STAB2: variants seen among roughly 807,000 people sequenced by gnomAD.
The protein encoded by STAB2 is stabilin 2, also known as stabilin-2.
Under a neutral mutation model 338.1 loss-of-function variants are expected in STAB2, and 288 were observed. The observed-to-expected ratio is 0.85, with a 90% confidence interval of 0.77 to 0.94. STAB2 has a LOEUF of 0.94. STAB2 is among the 40% of genes least tolerant of loss of function. STAB2 has a pLI of 0.00. For missense variants in STAB2, 3,141 were observed against 3,210.1 expected (o/e 0.98, Z 0.52); for synonymous variants, 1,202 against 1,193.3 (o/e 1.01, Z -0.15).
At chr12:103,711,423 G>A (rs751957404) in intron 39 of STAB2, 48 bp from the exon 40 acceptor site, 2 of 1,612,020 alleles carry the variant, frequency 1.2e-6, no homozygotes, top group African/African-American at 2.7e-5. Flanking sequence ...AAATCCTCAG[G>A]TGAGATTTAG....
chr12:103,712,783 A>G (rs2139008353), intron 41 of STAB2, among the ~76,000 whole-genome samples: 1 of 152,338 alleles, frequency 6.6e-6, no homozygotes, highest in Non-Finnish European at 1.5e-5. Flanking sequence ...TTATGTGTCC[A>G]TTAAAAAAGA....
At chr12:103,686,424 C>T (rs976038381) in intron 27 of STAB2, among the ~76,000 whole-genome samples, 1 of 152,218 alleles carries the variant, frequency 6.6e-6, no homozygotes, top group Non-Finnish European at 1.5e-5. Context: ...CCTGCTTTCA[C>T]GACGTCCCTC....
chr12:103,624,900 C>T (rs1284641139), intron 5 of STAB2, among the ~76,000 whole-genome samples: 1 of 147,686 alleles, frequency 6.8e-6, no homozygotes, highest in Non-Finnish European at 1.5e-5. Context: ...ATCGTGCCAC[C>T]ACTGCACTCC....
At chr12:103,635,962 GGAA>G (rs1377855809) in intron 6 of STAB2, among the ~76,000 whole-genome samples, 2 of 152,184 alleles carry the variant, frequency 1.3e-5, no homozygotes, top group Non-Finnish European at 2.9e-5. Flanking sequence ...CAGCCTGGAG[GGAA>G]GAAGGTTATA....
At chr12:103,766,163 C>T in intron 68 of STAB2, 123 bp from the exon 69 acceptor site, 2 of 1,316,684 alleles carry the variant, frequency 1.5e-6, no homozygotes, top group Non-Finnish European at 2.2e-6. Flanking sequence ...ACAAACACGC[C>T]CAGCACATAC....
At position 103,708,438 on chromosome 12, in the gene STAB2, T is replaced by C; in HGVS notation, c.4193-3T>C. On this transcript the variant is annotated splice_polypyrimidine_tract_variant and splice_region_variant and intron_variant, in intron 38 of 68. Transcript: ENST00000388887. Reference sequence around the variant, plus strand: ...ACGATTTGCAGGTGATTTTCCCACTTAGCATGTTCTTGTGTCCATGGGAGA... The same window carrying C: ...ACGATTTGCAGGTGATTTTCCCACTCAGCATGTTCTTGTGTCCATGGGAGA... The C allele has an allele frequency of 3.7e-6, 6 of 1,613,950 alleles. No individual in the cohort carries two copies. The Middle Eastern group carries it at 6.6e-4, about 178-fold the overall frequency.
At chr12:103,607,021 A>G (rs1957039647) in intron 3 of STAB2, among the ~76,000 whole-genome samples, 1 of 152,122 alleles carries the variant, frequency 6.6e-6, no homozygotes, top group Non-Finnish European at 1.5e-5. Context: ...AACGAAAAAA[A>G]AGATCTGTTG....
intron 63 of STAB2, 68 bp from the exon 64 acceptor site, chr12:103,758,102 C>G (rs1884268796): frequency 1.2e-6 from 2 of 1,602,992 alleles, no homozygotes; most frequent in East Asian, 2.2e-5. Flanking sequence ...GCCCTGGGAC[C>G]TTCTTCAGCC....
chr12:103,735,699 A>ATT, intron 52 of STAB2, 119 bp downstream of exon 52: 5 of 789,580 alleles, frequency 6.3e-6, no homozygotes, highest in East Asian at 2.9e-5. Flanking sequence ...TAGCGGGCTC[A>ATT]TTTTTTTTCT....
At chr12:103,627,305 G>A (rs1169187722) in intron 5 of STAB2, among the ~76,000 whole-genome samples, 1 of 152,184 alleles carries the variant, frequency 6.6e-6, no homozygotes, top group African/African-American at 2.4e-5. Context: ...GTCCCAAGGA[G>A]CTGGAAATGT....
Position 103,666,281 on chromosome 12 carries a change from C to T in STAB2, c.2023-10C>T, listed in dbSNP as rs1157213624. The T allele has an allele frequency of 6.2e-7, 1 of 1,613,894 alleles. No homozygotes were observed. Among genetic ancestry groups the T allele is most frequent in the Non-Finnish European group, 8.5e-7 (1 of 1,179,980 alleles). ...GGACACCTGCACTGACCTCCTGTCT[C>T]TCCCTCCAGGGCACTTGTGTGAGCT... On this transcript the variant is annotated splice_polypyrimidine_tract_variant and intron_variant, in intron 18 of 68. Coordinates refer to ENST00000388887, the MANE Select transcript of STAB2 (RefSeq NM_017564.10).
Position 103,650,454 on chromosome 12 carries a change from T to G in STAB2, c.1175-42T>G, listed in dbSNP as rs374387342. On this transcript the variant is annotated intron_variant, in intron 10 of 68. Coordinates refer to ENST00000388887, the MANE Select transcript of STAB2 (RefSeq NM_017564.10). ...ATTTTACTCCTCCTGTACCACTGAC[T>G]CATTTGGCGTTTTCTTTCTTTGTGT... The G allele has an allele frequency of 5.7e-6, 9 of 1,576,792 alleles. No individual in the cohort carries two copies. The African/African-American group carries it at 1.2e-4, about 21-fold the overall frequency.
At chr12:103,694,040 T>C (rs1365179063) in intron 31 of STAB2, among the ~76,000 whole-genome samples, 3 of 152,004 alleles carry the variant, frequency 2.0e-5, no homozygotes, top group African/African-American at 7.3e-5. Flanking sequence ...GTTATCTGTG[T>C]AGCCTCTGGG....
At position 103,762,360 on chromosome 12, in the gene STAB2, C is replaced by T. The variant is rs1344590614; in HGVS notation, c.7446C>T (p.Tyr2482=). Residue 2482 remains tyrosine (Y), a synonymous_variant, in exon 67 of 69, where the codon TAC becomes TAT. Coordinates refer to ENST00000388887, the MANE Select transcript of STAB2 (RefSeq NM_017564.10). ...TGAVALAAYS[Y]FRINRRTIGF... ...CTGTTGCCTTGGCTGCTTACTCCTA[C>T]TTTCGGATAAACCGGAGAACAATCG... 2 of 1,614,240 alleles carry T rather than the reference C, an allele frequency of 1.2e-6. No homozygotes were observed. Among genetic ancestry groups the T allele is most frequent in the Non-Finnish European group, 1.7e-6 (2 of 1,180,050 alleles).
intron 17 of STAB2, among the ~76,000 whole-genome samples, chr12:103,662,571 G>C (rs865964279): frequency 6.6e-6 from 1 of 152,222 alleles, no homozygotes; most frequent in African/African-American, 2.4e-5. Context: ...GTATATTGCA[G>C]AGCTTGAATA....
At chr12:103,588,483 A>G (rs1408598256) in intron 1 of STAB2, among the ~76,000 whole-genome samples, 1 of 152,188 alleles carries the variant, frequency 6.6e-6, no homozygotes, top group Admixed American at 6.5e-5. Flanking sequence ...AGTAATTATC[A>G]TCACCATCAT....
intron 3 of STAB2, among the ~76,000 whole-genome samples, chr12:103,605,362 A>G (rs1223814163): frequency 6.6e-6 from 1 of 151,890 alleles, no homozygotes; most frequent in Non-Finnish European, 1.5e-5. Context: ...CAACTGTTTC[A>G]TGTGCTCTTG....
intron 3 of STAB2, among the ~76,000 whole-genome samples, chr12:103,599,637 A>C (rs1009848143): frequency 6.6e-6 from 1 of 152,238 alleles, no homozygotes; most frequent in Non-Finnish European, 1.5e-5. Flanking sequence ...ATGCTAAAAC[A>C]ATATTCATTG....
At chr12:103,660,249 A>G in intron 15 of STAB2, 82 bp from the exon 16 acceptor site, 3 of 1,411,040 alleles carry the variant, frequency 2.1e-6, no homozygotes, top group Non-Finnish European at 3.0e-6. Context: ...TTGATTGTCT[A>G]ACGTCATTTG....
Sources: gnomAD v4.1 joint callset for allele counts (sites outside exome capture counted in the v4.1 genomes callset) on GRCh38, gnomAD v4.1.1 for gene constraint, MANE v1.5 for transcripts, NCBI Gene and HGNC (gene_info 2026-07-23, HGNC 2026-07-21) for gene names.